WWOX: variants seen among roughly 807,000 people sequenced by gnomAD.
The protein encoded by WWOX is WW domain containing oxidoreductase.
WWOX carries 69 observed loss-of-function variants against 46.2 expected under a neutral mutation model. The ratio of observed to expected loss-of-function variants is 1.49; its 90% confidence interval spans 1.23 to 1.82. The LOEUF (loss-of-function observed/expected upper bound fraction) is 1.82. Ranked by LOEUF, WWOX falls within the 40% of genes most tolerant of loss-of-function variation. The pLI, the probability that WWOX is intolerant of heterozygous loss-of-function variation, is 0.00. For missense variants in WWOX, 919 were observed against 542.6 expected, an observed-to-expected ratio of 1.69 and a Z score of -6.89; for synonymous variants, 359 against 202.6, an observed-to-expected ratio of 1.77 and a Z score of -6.56.
At chr16:78,434,611 C>T (rs1330200519) in intron 8 of WWOX, among the ~76,000 whole-genome samples, 1 of 152,126 alleles carries the variant, frequency 6.6e-6, no homozygotes. Context: ...ATCTTTGGGT[C>T]TTGAGTCATC....
intron 5 of WWOX, among the ~76,000 whole-genome samples, chr16:78,315,227 T>C (rs1429619085): frequency 6.6e-6 from 1 of 152,240 alleles, no homozygotes; most frequent in Non-Finnish European, 1.5e-5. Context: ...GAAATTGTTC[T>C]ATATCTAAAA....
rs747599678 is a variant in WWOX, at chr16:79,211,918, G to A, written c.*122G>A. On this transcript the variant is annotated 3_prime_UTR_variant, in exon 9 of 9. Transcript: ENST00000566780. ...AGATCCGCAAGAGTAAAGGAAATAA[G>A]AGCAGTCACAACAGAGTGAAAAATC... 5 of 1,544,704 alleles carry A rather than the reference G, an allele frequency of 3.2e-6. No individual in the cohort carries two copies. The highest frequency in any genetic ancestry group is 4.3e-6 in the Non-Finnish European group (5 of 1,149,544).
At chr16:78,415,777 A>G (rs1233397860) in intron 6 of WWOX, among the ~76,000 whole-genome samples, 1 of 152,198 alleles carries the variant, frequency 6.6e-6, no homozygotes, top group African/African-American at 2.4e-5. Context: ...CTCTGTCATA[A>G]GGAATCTTGG....
At chr16:78,327,666 A>C (rs901078048) in intron 5 of WWOX, among the ~76,000 whole-genome samples, 3 of 152,088 alleles carry the variant, frequency 2.0e-5, no homozygotes, top group Non-Finnish European at 4.4e-5. Context: ...TTTTTTAAAG[A>C]GTGATCTTTG....
chr16:78,533,692 C>G (rs927306934), intron 8 of WWOX, among the ~76,000 whole-genome samples: 5 of 152,308 alleles, frequency 3.3e-5, no homozygotes, highest in African/African-American at 7.2e-5. Context: ...TTTCCCCAGA[C>G]CTAACCTCGA....
chr16:78,880,160 C>A (rs181205929), intron 8 of WWOX, among the ~76,000 whole-genome samples: 5 of 152,288 alleles, frequency 3.3e-5, no homozygotes, highest in Admixed American at 3.3e-4. Context: ...GATGTTGGAT[C>A]AAATCAGACA....
At chr16:78,729,966 T>G (rs1247525074) in intron 8 of WWOX, among the ~76,000 whole-genome samples, 1 of 152,152 alleles carries the variant, frequency 6.6e-6, no homozygotes, top group African/African-American at 2.4e-5. Flanking sequence ...GGTCATAGTT[T>G]CCTCATCCCT....
In WWOX at chr16:78,786,276, G is replaced by C. The variant is rs78077392; in HGVS notation, c.1056+353524G>C. Among the ~76,000 whole-genome samples the C allele has an allele frequency of 3.3e-3, 507 of 152,250 alleles. 4 individuals carry two copies. Among genetic ancestry groups the C allele is most frequent in the African/African-American group, 0.012 (484 of 41,530 alleles). Reference sequence around the variant, plus strand: ...TCAATAAAGCAATAAATGACACCTGGATTTGTAGCGAATGTCTATTTCCAT... The same window carrying C: ...TCAATAAAGCAATAAATGACACCTGCATTTGTAGCGAATGTCTATTTCCAT... On this transcript the variant is annotated intron_variant, in intron 8 of 8. Coordinates refer to ENST00000566780, the MANE Select transcript of WWOX (RefSeq NM_016373.4).
intron 8 of WWOX, among the ~76,000 whole-genome samples, chr16:78,439,691 G>A (rs541887933): frequency 1.2e-4 from 18 of 152,208 alleles, no homozygotes; most frequent in Admixed American, 5.2e-4. Context: ...GCTTTAGGCC[G>A]CAAGTTATTA....
Position 78,990,773 on chromosome 16 carries a change from G to C in WWOX, c.1057-220835G>C, listed in dbSNP as rs72808776. 6.3e-3 allele frequency among the ~76,000 whole-genome samples: 953 copies of C among 152,342 alleles called. 5 individuals carry two copies. The highest frequency in any genetic ancestry group is 8.3e-3 in the Non-Finnish European group (563 of 68,034). ...GAAGTCTGGCAAGAGGGCACAGTCA[G>C]ACCTGCCAGGATCCCTCTGCTGTCT... is the stretch of plus-strand genomic sequence containing the variant. On this transcript the variant is annotated intron_variant, in intron 8 of 8. Transcript: ENST00000566780.
chr16:78,476,119 C>G (rs942415376), intron 8 of WWOX, among the ~76,000 whole-genome samples: 8 of 152,174 alleles, frequency 5.3e-5, no homozygotes, highest in Admixed American at 6.5e-5. Context: ...CCAGGCAAAT[C>G]TTGCCTGTGA....
intron 8 of WWOX, among the ~76,000 whole-genome samples, chr16:79,076,282 TC>T (rs1879762972): frequency 1.3e-5 from 2 of 152,222 alleles, no homozygotes; most frequent in Admixed American, 1.3e-4. Flanking sequence ...AGTAAAAGAA[TC>T]ACTTTTTCCT....
chr16:78,993,520 G>C (rs1057043993), intron 8 of WWOX, among the ~76,000 whole-genome samples: 1 of 152,208 alleles, frequency 6.6e-6, no homozygotes, highest in Non-Finnish European at 1.5e-5. Context: ...AGGAGCCTCA[G>C]TCCTCAAAGG....
chr16:78,129,737 G>A (rs1007696779), intron 4 of WWOX, among the ~76,000 whole-genome samples: 2 of 151,536 alleles, frequency 1.3e-5, no homozygotes, highest in African/African-American at 4.9e-5. Flanking sequence ...CTACTTGCCA[G>A]CATACTAAAA....
intron 8 of WWOX, among the ~76,000 whole-genome samples, chr16:79,161,450 G>A (rs2050484948): frequency 6.6e-6 from 1 of 152,182 alleles, no homozygotes; most frequent in Non-Finnish European, 1.5e-5. Context: ...GAGAGGAGGA[G>A]TAGGGGAGAG....
chr16:78,936,441 T>G (rs1439776463), intron 8 of WWOX, among the ~76,000 whole-genome samples: 1 of 152,138 alleles, frequency 6.6e-6, no homozygotes, highest in East Asian at 1.9e-4. Context: ...AGCTCTTTTC[T>G]CTGTAGGCTT....
chr16:78,136,841 G>A (rs1324010430), intron 4 of WWOX, among the ~76,000 whole-genome samples: 1 of 151,710 alleles, frequency 6.6e-6, no homozygotes, highest in Non-Finnish European at 1.5e-5. Context: ...TGAGCTGGTG[G>A]GCTTTCTAAT....
At chr16:78,387,410 G>T (rs559407003) in intron 6 of WWOX, among the ~76,000 whole-genome samples, 1 of 152,146 alleles carries the variant, frequency 6.6e-6, no homozygotes, top group Non-Finnish European at 1.5e-5. Flanking sequence ...GTACATGGAT[G>T]TGGTTCCAAA....
intron 4 of WWOX, among the ~76,000 whole-genome samples, chr16:78,146,309 C>T (rs1048134921): frequency 6.6e-6 from 1 of 152,152 alleles, no homozygotes; most frequent in East Asian, 1.9e-4. Flanking sequence ...CTTTCTCTCT[C>T]TGTTTCTCTT....
Sources: allele counts gnomAD v4.1 joint callset (sites outside exome capture counted in the v4.1 genomes callset), GRCh38; gene constraint gnomAD v4.1.1; transcripts MANE v1.5; gene names NCBI Gene and HGNC (gene_info 2026-07-23, HGNC 2026-07-21).